LRMDA: variants seen among roughly 807,000 people sequenced by gnomAD.
The protein encoded by LRMDA is leucine-rich melanocyte differentiation-associated protein.
LRMDA carries 18 observed loss-of-function variants against 29.8 expected under a neutral mutation model. The observed-to-expected ratio is 0.60, with a 90% CI of 0.42 to 0.90. LRMDA has a LOEUF of 0.90. LRMDA is among the 40% of genes least tolerant of loss of function. The pLI is 0.00. For synonymous variants in LRMDA, 125 were observed against 109.4 expected (o/e 1.14, Z -0.89); for missense variants, 273 against 273.9 (o/e 1.00, Z 0.02).
chr10:76,487,063 T>A (rs565011427), intron 6 of LRMDA, among the ~76,000 whole-genome samples: 1 of 152,070 alleles, frequency 6.6e-6, no homozygotes, highest in South Asian at 2.1e-4. Context: ...GGAAATTTTT[T>A]TTCTTGGGCA....
chr10:75,497,005 T>G (rs1845052304), intron 2 of LRMDA, among the ~76,000 whole-genome samples: 1 of 151,734 alleles, frequency 6.6e-6, no homozygotes, highest in Admixed American at 6.6e-5. Context: ...TTTTCTTTTC[T>G]TTAAAGGGAT....
chr10:76,534,811 A>G (rs537441058), intron 6 of LRMDA, among the ~76,000 whole-genome samples: 1 of 152,190 alleles, frequency 6.6e-6, no homozygotes, highest in Non-Finnish European at 1.5e-5. Flanking sequence ...ACTGGATCTC[A>G]CATAAGTCAT....
chr10:75,475,620 G>C (rs1490362578), intron 2 of LRMDA, among the ~76,000 whole-genome samples: 1 of 152,268 alleles, frequency 6.6e-6, no homozygotes, highest in South Asian at 2.1e-4. Context: ...GAAGTAAAAA[G>C]ACTCCAAAAT....
chr10:75,812,434 A>T (rs1190404970), intron 2 of LRMDA, among the ~76,000 whole-genome samples: 1 of 152,048 alleles, frequency 6.6e-6, no homozygotes, highest in African/African-American at 2.4e-5. Context: ...ATATTTAGAG[A>T]TTTCTTTCTG....
intron 2 of LRMDA, among the ~76,000 whole-genome samples, chr10:75,991,394 T>C (rs1847367714): frequency 6.6e-6 from 1 of 152,194 alleles, no homozygotes; most frequent in South Asian, 2.1e-4. Flanking sequence ...CCCTGATCTT[T>C]TTCTAGTCCA....
intron 2 of LRMDA, among the ~76,000 whole-genome samples, chr10:75,446,695 T>C (rs1482026884): frequency 1.3e-5 from 2 of 152,252 alleles, no homozygotes; most frequent in Non-Finnish European, 2.9e-5. Context: ...TAATGCAGCA[T>C]AACCTAGCCT....
intron 2 of LRMDA, among the ~76,000 whole-genome samples, chr10:75,811,310 G>T (rs1244117257): frequency 6.6e-6 from 1 of 151,982 alleles, no homozygotes; most frequent in Non-Finnish European, 1.5e-5. Flanking sequence ...TCTGAACTTT[G>T]TAGAGAGCCT....
intron 2 of LRMDA, among the ~76,000 whole-genome samples, chr10:75,786,947 AG>A (rs1843481247): frequency 6.6e-6 from 1 of 152,238 alleles, no homozygotes; most frequent in South Asian, 2.1e-4. Context: ...AAGAAAAGGC[AG>A]AGGTATCACA....
chr10:76,220,936 C>T (rs1430979825), intron 5 of LRMDA, among the ~76,000 whole-genome samples: 5 of 152,104 alleles, frequency 3.3e-5, no homozygotes, highest in African/African-American at 1.2e-4. Flanking sequence ...ATCAAGTGGG[C>T]TTCATCCCTG....
intron 2 of LRMDA, among the ~76,000 whole-genome samples, chr10:75,890,096 C>G (rs1482521068): frequency 1.3e-5 from 2 of 152,186 alleles, no homozygotes; most frequent in Non-Finnish European, 2.9e-5. Context: ...CTCAGTAGTC[C>G]TCACTGTAAG....
intron 5 of LRMDA, among the ~76,000 whole-genome samples, chr10:76,158,659 C>T (rs997842491): frequency 2.0e-5 from 3 of 152,102 alleles, no homozygotes; most frequent in African/African-American, 7.2e-5. Flanking sequence ...AATGGATTGA[C>T]TTGTTGAATA....
At chr10:75,738,864 G>A (rs549059144) in intron 2 of LRMDA, among the ~76,000 whole-genome samples, 2 of 152,134 alleles carry the variant, frequency 1.3e-5, no homozygotes, top group Non-Finnish European at 2.9e-5. Flanking sequence ...CTGGTCTGCC[G>A]AGAGTCTGTG....
chr10:76,047,166 C>G lies in LRMDA; in HGVS notation c.261C>G (p.Ile87Met), dbSNP rs1380819153. ...LHTLTLNKNR[I>M]TDLENLLDHL... is the part of the protein sequence containing the mutation. Reference sequence around the variant, plus strand: ...CCAAGATTCTTAACCTTTGTCACATCACTGATTTGGAGAACCTGCTGGATC... The same window carrying G: ...CCAAGATTCTTAACCTTTGTCACATGACTGATTTGGAGAACCTGCTGGATC... The change falls in exon 4 of 7, where the codon ATC becomes ATG. Residue 87 changes from isoleucine to methionine, a missense_variant and splice_region_variant. Transcript: ENST00000611255. The G allele has an allele frequency of 6.2e-7, 1 of 1,614,008 alleles. No homozygotes were observed. Among genetic ancestry groups the G allele is most frequent in the Non-Finnish European group, 8.5e-7 (1 of 1,179,948 alleles).
intron 4 of LRMDA, among the ~76,000 whole-genome samples, chr10:76,048,999 C>A (rs1167920164): frequency 6.6e-6 from 1 of 152,144 alleles, no homozygotes; most frequent in Non-Finnish European, 1.5e-5. Context: ...ATGCAGGGAT[C>A]TTTGGCCATC....
intron 6 of LRMDA, among the ~76,000 whole-genome samples, chr10:76,478,790 A>G (rs1193553900): frequency 6.6e-6 from 1 of 151,758 alleles, no homozygotes; most frequent in Non-Finnish European, 1.5e-5. Context: ...AGCAAACTAT[A>G]TCAAGGAGAA....
chr10:75,971,375 T>C (rs1487456171), intron 2 of LRMDA, among the ~76,000 whole-genome samples: 1 of 152,196 alleles, frequency 6.6e-6, no homozygotes, highest in East Asian at 1.9e-4. Flanking sequence ...ATGTAGTGCT[T>C]GTCAATGAAT....
At chr10:75,985,367 G>C (rs1042965784) in intron 2 of LRMDA, among the ~76,000 whole-genome samples, 6 of 152,156 alleles carry the variant, frequency 3.9e-5, no homozygotes, top group Admixed American at 3.9e-4. Context: ...CTGAGGAGTG[G>C]ATAAGACTCC....
intron 2 of LRMDA, among the ~76,000 whole-genome samples, chr10:75,829,249 A>G (rs945609116): frequency 6.6e-6 from 1 of 152,100 alleles, no homozygotes; most frequent in African/African-American, 2.4e-5. Flanking sequence ...ACTCAAGGCC[A>G]GCTCAACACT....
chr10:76,478,290 T>C (rs1291569547), intron 6 of LRMDA, among the ~76,000 whole-genome samples: 1 of 152,014 alleles, frequency 6.6e-6, no homozygotes, highest in Non-Finnish European at 1.5e-5. Flanking sequence ...AACAGACACG[T>C]GAAAAAATGC....
Sources: allele counts gnomAD v4.1 joint callset (sites outside exome capture counted in the v4.1 genomes callset), GRCh38; gene constraint gnomAD v4.1.1; transcripts MANE v1.5; gene names NCBI Gene and HGNC (gene_info 2026-07-23, HGNC 2026-07-21).